HERC3: variants seen among roughly 807,000 people sequenced by gnomAD.
The protein encoded by HERC3 is HECT and RLD domain containing E3 ubiquitin protein ligase 3.
A neutral mutation model predicts 129.9 loss-of-function variants in HERC3; 58 were observed. The ratio of observed to expected loss-of-function variants is 0.45; its 90% CI spans 0.36 to 0.56. HERC3 has a LOEUF of 0.56. Among genes scored for constraint, HERC3 ranks in the 20% least tolerant of loss-of-function variants. The pLI is 0.00. For missense variants in HERC3, 835 were observed against 1,244.2 expected, an observed-to-expected ratio of 0.67 and a Z score of 4.95; for synonymous variants, 430 against 451.0, an observed-to-expected ratio of 0.95 and a Z score of 0.59.
Position 88,602,682 on chromosome 4 carries a change from G to A in HERC3, c.-29-3113G>A, listed in dbSNP as rs529431122. ...TTTTGTGGAGATAAGGTCTCACTGT[G>A]TTGCCCAGGCTGGTCTCAAACTCCT... On this transcript the variant is annotated intron_variant, in intron 2 of 25. Transcript: ENST00000402738. Among the ~76,000 whole-genome samples the A allele has an allele frequency of 5.9e-5, 9 of 152,162 alleles. No homozygotes were observed. In the South Asian group the frequency reaches 1.9e-3, roughly 32 times the overall value.
At chr4:88,544,150 A>G in the HERC3 span, among the ~76,000 whole-genome samples, 2 of 152,242 alleles carry the variant, frequency 1.3e-5, no homozygotes, top group Non-Finnish European at 2.9e-5. Flanking sequence ...AGAATGGGAG[A>G]AAATTTTTGC....
chr4:88,593,062 C>T (rs1578125608), intron 1 of HERC3, among the ~76,000 whole-genome samples: 1 of 144,096 alleles, frequency 6.9e-6, no homozygotes, highest in East Asian at 2.0e-4. Context: ...GCTGGCGAGG[C>T]CCTGGCATTT....
chr4:88,629,089 T>C (rs1236509793), intron 3 of HERC3, among the ~76,000 whole-genome samples: 1 of 151,912 alleles, frequency 6.6e-6, no homozygotes. Flanking sequence ...ACCTGGGAGG[T>C]GGAGGTTGCA....
chr4:88,559,007 T>C, the HERC3 span, among the ~76,000 whole-genome samples: 1 of 152,128 alleles, frequency 6.6e-6, no homozygotes, highest in Non-Finnish European at 1.5e-5. Context: ...AGATTCTTTT[T>C]CTTAAAAATA....
chr4:88,636,434 A>G (rs1476431713), intron 3 of HERC3, among the ~76,000 whole-genome samples: 1 of 152,246 alleles, frequency 6.6e-6, no homozygotes, highest in Admixed American at 6.5e-5. Flanking sequence ...TCAATTCAAC[A>G]AGAAGAGCTA....
At chr4:88,546,290 A>C in the HERC3 span, among the ~76,000 whole-genome samples, 3 of 152,294 alleles carry the variant, frequency 2.0e-5, no homozygotes, top group South Asian at 2.1e-4. Context: ...AAGGAAAAGA[A>C]CTGAAGAAAG....
chr4:88,673,980 C>T (rs904414528), intron 16 of HERC3, among the ~76,000 whole-genome samples: 1 of 152,178 alleles, frequency 6.6e-6, no homozygotes, highest in Non-Finnish European at 1.5e-5. Context: ...GGCAGTGTCT[C>T]TCTGGCTTTG....
intron 23 of HERC3, chr4:88,693,769 T>C: frequency 1.4e-6 from 1 of 690,120 alleles, no homozygotes; most frequent in South Asian, 6.5e-5. Context: ...GCCAGTTTTC[T>C]GCGTAATACT....
At position 88,670,259 on chromosome 4, in the gene HERC3, A is replaced by G; in HGVS notation, c.1911+7A>G. On this transcript the variant is annotated splice_region_variant and intron_variant, in intron 16 of 25. Coordinates refer to ENST00000402738, the MANE Select transcript of HERC3 (RefSeq NM_014606.3). ...CTTGCATCAAGCAGGGATGGTAAGA[A>G]TTCATAAAGCATATTTTAAAGCTTT... 6.5e-7 allele frequency: 1 copy of G among 1,545,908 alleles called. No homozygotes were observed. Among genetic ancestry groups the G allele is most frequent in the South Asian group, 1.1e-5 (1 of 89,430 alleles).
At chr4:88,672,354 CTA>C (rs1731700916) in intron 16 of HERC3, among the ~76,000 whole-genome samples, 1 of 151,930 alleles carries the variant, frequency 6.6e-6, no homozygotes, top group African/African-American at 2.4e-5. Context: ...TCTTCAATAA[CTA>C]TAATAGTTAT....
upstream of HERC3, among the ~76,000 whole-genome samples, chr4:88,589,279 C>T (rs1469162412): frequency 6.6e-6 from 1 of 152,094 alleles, no homozygotes; most frequent in African/African-American, 2.4e-5. Flanking sequence ...GACAGGGACT[C>T]ACTATGTTGC....
At chr4:88,639,233 A>G (rs1238956796) in intron 3 of HERC3, among the ~76,000 whole-genome samples, 2 of 152,200 alleles carry the variant, frequency 1.3e-5, no homozygotes, top group South Asian at 2.1e-4. Flanking sequence ...CAGATTTAGA[A>G]AAAACTGCTT....
chr4:88,574,476 A>T, the HERC3 span, among the ~76,000 whole-genome samples: 1 of 152,206 alleles, frequency 6.6e-6, no homozygotes, highest in Non-Finnish European at 1.5e-5. Flanking sequence ...GTACAGTTCA[A>T]TGGTATTAAG....
the HERC3 span, among the ~76,000 whole-genome samples, chr4:88,582,590 G>C: frequency 6.6e-6 from 1 of 152,164 alleles, no homozygotes; most frequent in Admixed American, 6.5e-5. Context: ...CCTAGGAATT[G>C]CATCAAACAA....
the HERC3 span, among the ~76,000 whole-genome samples, chr4:88,543,234 G>C: frequency 2.6e-5 from 4 of 152,168 alleles, no homozygotes; most frequent in African/African-American, 9.7e-5. Flanking sequence ...AGCAACTTCA[G>C]CAAAGTCTCA....
intron 2 of HERC3, among the ~76,000 whole-genome samples, chr4:88,597,178 AAGAT>A (rs1039945359): frequency 1.3e-5 from 2 of 152,228 alleles, no homozygotes; most frequent in Admixed American, 6.5e-5. Context: ...ATTGGACTGT[AAGAT>A]AGCCACTAGT....
intron 2 of HERC3, among the ~76,000 whole-genome samples, chr4:88,603,902 C>T (rs17014252): frequency 0.18 from 28,016 of 152,128 alleles, 5,099 homozygotes; most frequent in African/African-American, 0.46. Flanking sequence ...CAATTAAACT[C>T]AAGAAAGCCT....
At chr4:88,601,813 T>A (rs1049236168) in intron 2 of HERC3, among the ~76,000 whole-genome samples, 1 of 91,732 alleles carries the variant, frequency 1.1e-5, no homozygotes, top group Non-Finnish European at 1.7e-5. Flanking sequence ...TCCCAGCACT[T>A]TGGGAGGCCG....
chr4:88,635,983 A>G (rs1727341852), intron 3 of HERC3, among the ~76,000 whole-genome samples: 1 of 152,212 alleles, frequency 6.6e-6, no homozygotes, highest in Non-Finnish European at 1.5e-5. Flanking sequence ...CTGCCTTACA[A>G]GAGCTCCTGA....
Sources: gnomAD v4.1 joint callset for allele counts (sites outside exome capture counted in the v4.1 genomes callset) on GRCh38, gnomAD v4.1.1 for gene constraint, MANE v1.5 for transcripts, NCBI Gene and HGNC (gene_info 2026-07-23, HGNC 2026-07-21) for gene names.